The following SORBS2 variants were observed in gnomAD, a reference collection of about 807,000 sequenced individuals.
SORBS2 encodes sorbin and SH3 domain-containing protein 2.
SORBS2 carries 46 observed loss-of-function variants against 97.7 expected under a neutral mutation model. The ratio of observed to expected loss-of-function variants is 0.47; its 90% CI spans 0.37 to 0.60. The LOEUF (loss-of-function observed/expected upper bound fraction) is 0.60, where lower values mean the gene tolerates loss of function less well. SORBS2 is among the 20% of genes least tolerant of loss of function. The pLI is 0.00. For missense variants in SORBS2, 1,316 were observed against 1,282.3 expected, an observed-to-expected ratio of 1.03 and a Z score of -0.40; for synonymous variants, 476 against 473.4, an observed-to-expected ratio of 1.01 and a Z score of -0.07.
chr4:185,808,010 C>T (rs970395768), intron 1 of SORBS2, among the ~76,000 whole-genome samples: 2 of 152,116 alleles, frequency 1.3e-5, no homozygotes, highest in Non-Finnish European at 2.9e-5. Flanking sequence ...ATCATGGTTT[C>T]TGAAATCTAA....
intron 1 of SORBS2, among the ~76,000 whole-genome samples, chr4:185,877,079 A>C (rs1312886633): frequency 6.6e-6 from 1 of 152,248 alleles, no homozygotes; most frequent in African/African-American, 2.4e-5. Context: ...AAAATTATCC[A>C]TAATAACCTC....
intron 2 of SORBS2, among the ~76,000 whole-genome samples, chr4:185,687,486 T>A (rs1283944589): frequency 4.6e-5 from 7 of 152,244 alleles, no homozygotes; most frequent in Admixed American, 4.6e-4. Context: ...TCAATTTATG[T>A]GTACTGTTCT....
At chr4:185,650,185 G>T (rs762819217) in intron 2 of SORBS2, among the ~76,000 whole-genome samples, 3 of 152,200 alleles carry the variant, frequency 2.0e-5, no homozygotes, top group Non-Finnish European at 4.4e-5. Flanking sequence ...TGCTTAGAGT[G>T]CACCTGGGAA....
intron 1 of SORBS2, among the ~76,000 whole-genome samples, chr4:185,950,266 A>G (rs141860094): frequency 6.6e-6 from 1 of 151,730 alleles, no homozygotes; most frequent in East Asian, 1.9e-4. Flanking sequence ...AAAAAAGAAT[A>G]CTTTGAGAAT....
At chr4:185,887,232 C>G (rs942185775) in intron 1 of SORBS2, among the ~76,000 whole-genome samples, 1 of 152,228 alleles carries the variant, frequency 6.6e-6, no homozygotes, top group African/African-American at 2.4e-5. Context: ...GAAATAATAT[C>G]ACATTTCTTT....
At chr4:185,743,943 T>C (rs1199855624) in intron 2 of SORBS2, among the ~76,000 whole-genome samples, 1 of 147,722 alleles carries the variant, frequency 6.8e-6, no homozygotes, top group Non-Finnish European at 1.5e-5. Context: ...CTCCTCTTTC[T>C]CCTCCTCCTT....
chr4:185,914,036 A>G (rs902623824), intron 1 of SORBS2, among the ~76,000 whole-genome samples: 1 of 152,210 alleles, frequency 6.6e-6, no homozygotes, highest in Non-Finnish European at 1.5e-5. Context: ...GCTTAAAAAT[A>G]AGAAATTTTG....
intron 2 of SORBS2, among the ~76,000 whole-genome samples, chr4:185,709,093 C>T (rs1437705949): frequency 6.6e-6 from 1 of 152,188 alleles, no homozygotes; most frequent in African/African-American, 2.4e-5. Context: ...TCTCTGCTCA[C>T]TGCAACCTCC....
chr4:185,624,062 A>C, exon 7 of SORBS2: 1 of 1,614,078 alleles, frequency 6.2e-7, no homozygotes, highest in Non-Finnish European at 8.5e-7. Context: ...TTTCTTGTAC[A>C]TCTTCAGGAA....
At chr4:185,899,840 C>T (rs74495879) in intron 1 of SORBS2, among the ~76,000 whole-genome samples, 4,184 of 152,220 alleles carry the variant, frequency 0.027, 142 homozygotes, top group South Asian at 0.081. Context: ...CCATACTGGA[C>T]GCCATGGAAG....
At chr4:185,910,459 T>A (rs1449355210) in intron 1 of SORBS2, among the ~76,000 whole-genome samples, 1 of 152,222 alleles carries the variant, frequency 6.6e-6, no homozygotes, top group Non-Finnish European at 1.5e-5. Context: ...ATTCCTCTCC[T>A]GTCCTCCCTT....
intron 2 of SORBS2, among the ~76,000 whole-genome samples, chr4:185,711,340 C>G (rs1348787295): frequency 6.6e-6 from 1 of 152,136 alleles, no homozygotes; most frequent in Non-Finnish European, 1.5e-5. Flanking sequence ...TTCATGCATT[C>G]TACAATTAAA....
intron 2 of SORBS2, among the ~76,000 whole-genome samples, chr4:185,770,399 A>C (rs2098963218): frequency 6.6e-6 from 1 of 152,268 alleles, no homozygotes; most frequent in Admixed American, 6.5e-5. Flanking sequence ...CTGCCGTGTT[A>C]ATGTCATCTT....
chr4:185,931,588 T>A (rs2099266454), intron 1 of SORBS2, among the ~76,000 whole-genome samples: 1 of 151,978 alleles, frequency 6.6e-6, no homozygotes, highest in South Asian at 2.1e-4. Context: ...CAGGCCAGGG[T>A]GATAAGATAC....
chr4:185,813,851 C>G (rs1168486138), intron 1 of SORBS2, among the ~76,000 whole-genome samples: 1 of 152,168 alleles, frequency 6.6e-6, no homozygotes, highest in Non-Finnish European at 1.5e-5. Flanking sequence ...CCTTGTCACG[C>G]CCTGGGACTT....
intron 2 of SORBS2, among the ~76,000 whole-genome samples, chr4:185,713,703 A>G (rs1562072525): frequency 6.6e-6 from 1 of 152,266 alleles, no homozygotes; most frequent in African/African-American, 2.4e-5. Flanking sequence ...TGCAAGAGAA[A>G]GTCAGAGTGA....
Position 185,606,297 on chromosome 4 carries a change from T to C in SORBS2, c.2796+5483A>G. On this transcript the variant is annotated intron_variant, in intron 12 of 14. Transcript: ENST00000418609. This position sits in a 1 kb window ranked among gnomAD's most constrained non-coding sequence, Gnocchi z 4.3. ...AGAGCTCCACTATTAGCTATCATTGTTAATATTGGAAGATTACAAAGACTA... is the reference window on the plus strand; with the variant it reads ...AGAGCTCCACTATTAGCTATCATTGCTAATATTGGAAGATTACAAAGACTA... 1.0e-6 allele frequency: 1 copy of C among 975,650 alleles called. No individual in the cohort carries two copies. The highest frequency in any genetic ancestry group is 1.2e-6 in the Non-Finnish European group (1 of 821,072). 60.4% of individuals were successfully genotyped at this position (975,650 alleles called of 1,614,324 possible). A position where few individuals can be genotyped will look rare whatever the true frequency, so the allele number is the denominator to read the frequency against.
exon 3 of SORBS2, chr4:185,678,817 C>A: frequency 6.9e-7 from 1 of 1,458,548 alleles, no homozygotes; most frequent in South Asian, 1.5e-5. Flanking sequence ...GACTGAGAAT[C>A]ACGCCCTGAA....
chr4:185,585,720 A>G (rs1411773678), exon 15 of SORBS2: 1 of 152,236 alleles, frequency 6.6e-6, no homozygotes, highest in East Asian at 1.9e-4. Flanking sequence ...CATAAATGGC[A>G]TCAAAGAGAA....
Sources: allele counts gnomAD v4.1 joint callset (sites outside exome capture counted in the v4.1 genomes callset), GRCh38; gene constraint gnomAD v4.1.1; non-coding constraint Gnocchi (gnomAD v3.1); transcripts MANE v1.5; gene names NCBI Gene and HGNC (gene_info 2026-07-23, HGNC 2026-07-21).